LCOR: variants seen among roughly 807,000 people sequenced by gnomAD.
LCOR encodes ligand-dependent corepressor.
In LCOR, 14 loss-of-function variants were observed where a neutral mutation model predicts 64.4. That is an observed-to-expected ratio of 0.22 (90% CI 0.14 to 0.34). The LOEUF is 0.34. Ranked by LOEUF, LCOR falls within the 10% of genes least tolerant of loss-of-function variation. The probability of loss-of-function intolerance (pLI) is 1.00; values close to 1 mark genes in which losing one functional copy is unlikely to be tolerated. For missense variants in LCOR, 1,686 were observed against 1,765.3 expected, an observed-to-expected ratio of 0.96 and a Z score of 0.80; for synonymous variants, 643 against 642.5, an observed-to-expected ratio of 1.00 and a Z score of -0.01.
In LCOR at chr10:96,993,930, G is replaced by A. The variant is rs937277062; in HGVS notation, c.*8796G>A. The stretch of plus-strand genomic sequence containing the variant: ...TGGCCCTTGTCTCAGAGGATAGGGT[G>A]GGGGTAGAACAGCTCTTGCTAAGAC... On this transcript the variant is annotated 3_prime_UTR_variant, in exon 8 of 8. Coordinates refer to ENST00000421806, the MANE Select transcript of LCOR (RefSeq NM_001346516.2). 4 of 152,006 alleles carry A rather than the reference G, an allele frequency of 2.6e-5. No homozygotes were observed. The highest frequency in any genetic ancestry group is 1.3e-4 in the Admixed American group (2 of 15,264). 9.4% of individuals were successfully genotyped at this position (152,006 alleles called of 1,614,324 possible).
At chr10:96,920,620 A>G (rs1333184118) in intron 4 of LCOR, among the ~76,000 whole-genome samples, 4 of 147,844 alleles carry the variant, frequency 2.7e-5, no homozygotes, top group East Asian at 3.9e-4. Flanking sequence ...ATATGTGTAT[A>G]TATGTATGTA....
At chr10:96,836,040 C>A (rs1223279324) in intron 2 of LCOR, among the ~76,000 whole-genome samples, 1 of 152,180 alleles carries the variant, frequency 6.6e-6, no homozygotes, top group Admixed American at 6.5e-5. Flanking sequence ...AGAAGCTCTT[C>A]CTAATGTGGG....
intron 4 of LCOR, among the ~76,000 whole-genome samples, chr10:96,932,129 A>AT (rs1470311755): frequency 6.6e-6 from 1 of 152,088 alleles, no homozygotes; most frequent in African/African-American, 2.4e-5. Flanking sequence ...AATGAGGGGG[A>AT]TTTTCCTTCC....
chr10:96,902,428 G>A (rs2062350027), intron 2 of LCOR, among the ~76,000 whole-genome samples: 1 of 152,142 alleles, frequency 6.6e-6, no homozygotes, highest in Non-Finnish European at 1.5e-5. Context: ...AATAATGAAA[G>A]GAATCACCAG....
chr10:96,941,182 C>CA (rs1847460148), intron 4 of LCOR, among the ~76,000 whole-genome samples: 1 of 133,150 alleles, frequency 7.5e-6, no homozygotes, highest in African/African-American at 3.0e-5. Context: ...GCTGGCCAGG[C>CA]GGGGGGCTGA....
At chr10:96,970,135 C>G (rs924338952) in intron 7 of LCOR, among the ~76,000 whole-genome samples, 2 of 151,334 alleles carry the variant, frequency 1.3e-5, no homozygotes, top group Non-Finnish European at 2.9e-5. Context: ...CGGTGGGTCA[C>G]GCCTGTAATC....
chr10:96,916,468 AC>A (rs1190776504), intron 4 of LCOR, among the ~76,000 whole-genome samples: 1 of 151,926 alleles, frequency 6.6e-6, no homozygotes, highest in Non-Finnish European at 1.5e-5. Context: ...GTCATCTTAC[AC>A]CAGAATACTA....
At chr10:96,833,268 C>A in intron 1 of LCOR, 138 bp from the exon 2 acceptor site, 1 of 955,686 alleles carries the variant, frequency 1.0e-6, no homozygotes, top group Non-Finnish European at 1.2e-6. Flanking sequence ...CGCCCCCCGC[C>A]TCCCGGACCT....
chr10:96,848,698 T>C (rs374017397), intron 2 of LCOR, among the ~76,000 whole-genome samples: 1 of 152,070 alleles, frequency 6.6e-6, no homozygotes, highest in Non-Finnish European at 1.5e-5. Context: ...AACTGGATGC[T>C]GAAAGGATGT....
rs189632266 is a variant in LCOR, at chr10:96,934,687, C to T, written c.-183-9426C>T. On this transcript the variant is annotated intron_variant, in intron 4 of 7. Coordinates refer to ENST00000421806, the MANE Select transcript of LCOR (RefSeq NM_001346516.2). ...CGCAGTCTTGGCTCACTGCAACCTCCGCCTCCTGGGTTCAGGAGATTCTCG... is the reference window on the plus strand; with the variant it reads ...CGCAGTCTTGGCTCACTGCAACCTCTGCCTCCTGGGTTCAGGAGATTCTCG... 6.2e-4 allele frequency among the ~76,000 whole-genome samples: 94 copies of T among 152,280 alleles called. 1 individual carries two copies. The East Asian group carries it at 9.8e-3, about 16-fold the overall frequency.
intron 7 of LCOR, chr10:96,964,324 G>C (rs1315627680): frequency 2.1e-5 from 3 of 142,794 alleles, no homozygotes; most frequent in East Asian, 2.2e-4. Flanking sequence ...TGTATTATTT[G>C]ACCATGACAT....
At position 96,991,903 on chromosome 10, in the gene LCOR, T is replaced by G. The variant is rs910844258; in HGVS notation, c.*6769T>G. On this transcript the variant is annotated 3_prime_UTR_variant, in exon 8 of 8. Transcript: ENST00000421806. Reference sequence around the variant, plus strand: ...CCCCAGTGTGGCCCTGAACACAAATTTGTCACATTGGAAGCATTTTTCTCT... The same window carrying G: ...CCCCAGTGTGGCCCTGAACACAAATGTGTCACATTGGAAGCATTTTTCTCT... 2 of 152,082 alleles carry G rather than the reference T, an allele frequency of 1.3e-5. No homozygotes were observed. The highest frequency in any genetic ancestry group is 4.8e-5 in the African/African-American group (2 of 41,304). The allele number at this position is 152,082 out of a possible 1,614,324, so 9.4% of individuals were successfully genotyped here. A position where few individuals can be genotyped will look rare whatever the true frequency, so the allele number is the denominator to read the frequency against.
intron 2 of LCOR, among the ~76,000 whole-genome samples, chr10:96,850,889 C>G (rs891280090): frequency 6.6e-6 from 1 of 152,196 alleles, no homozygotes. Context: ...CATCACTGTT[C>G]TGGCATTATT....
chr10:96,869,117 G>A (rs868509227), intron 2 of LCOR, among the ~76,000 whole-genome samples: 2 of 152,044 alleles, frequency 1.3e-5, no homozygotes, highest in South Asian at 4.1e-4. Flanking sequence ...TGTTGGCTAG[G>A]CTGGTCTCAA....
chr10:96,842,013 A>T (rs117472751), intron 2 of LCOR, among the ~76,000 whole-genome samples: 2,152 of 152,176 alleles, frequency 0.014, 20 homozygotes, highest in Non-Finnish European at 0.023. Context: ...TCAAAAAATG[A>T]TTATTGTGTA....
chr10:96,957,211 TTC>T, intron 7 of LCOR: 1 of 984,782 alleles, frequency 1.0e-6, no homozygotes, highest in Non-Finnish European at 1.2e-6. Flanking sequence ...TAGAATTTTT[TTC>T]TGTTTTTGGC....
intron 2 of LCOR, among the ~76,000 whole-genome samples, chr10:96,848,243 A>G (rs879898888): frequency 5.9e-5 from 9 of 152,250 alleles, no homozygotes; most frequent in Admixed American, 2.6e-4. Context: ...TTCTCTTGTT[A>G]TATCATGCTG....
intron 2 of LCOR, among the ~76,000 whole-genome samples, chr10:96,890,740 G>T (rs1846425217): frequency 6.6e-6 from 1 of 152,080 alleles, no homozygotes; most frequent in Non-Finnish European, 1.5e-5. Context: ...ATTGTTGAGC[G>T]TTTTTATCAT....
At chr10:96,960,727 G>A (rs922957391) in intron 7 of LCOR, 9 of 152,008 alleles carry the variant, frequency 5.9e-5, no homozygotes, top group African/African-American at 1.7e-4. Context: ...AGAACAGCCC[G>A]TTTAGGAGAC....
Sources: allele counts gnomAD v4.1 joint callset (sites outside exome capture counted in the v4.1 genomes callset), GRCh38; gene constraint gnomAD v4.1.1; transcripts MANE v1.5; gene names NCBI Gene and HGNC (gene_info 2026-07-23, HGNC 2026-07-21).